CSMD1: variants seen among roughly 807,000 people sequenced by gnomAD.
CSMD1 encodes the protein CUB and sushi domain-containing protein 1.
Under a neutral mutation model 417.5 loss-of-function variants are expected in CSMD1, and 213 were observed. That is an observed-to-expected ratio of 0.51 (90% confidence interval 0.46 to 0.57). CSMD1 has a LOEUF of 0.57. Ranked by LOEUF, CSMD1 falls within the 20% of genes least tolerant of loss-of-function variation. The pLI is 0.00. For synonymous variants in CSMD1, 2,862 were observed against 1,736.8 expected (o/e 1.65, Z -16.11); for missense variants, 6,923 against 4,529.7 (o/e 1.53, Z -15.17).
chr8:4,060,570 T>C (rs1798919886), intron 3 of CSMD1, among the ~76,000 whole-genome samples: 1 of 152,006 alleles, frequency 6.6e-6, no homozygotes, highest in Admixed American at 6.6e-5. Context: ...TGCGAATGAG[T>C]TCCAGGGGAA....
intron 69 of CSMD1, among the ~76,000 whole-genome samples, 195 bp downstream of exon 69, chr8:2,942,277 T>C (rs193056119): frequency 1.3e-5 from 2 of 151,858 alleles, no homozygotes; most frequent in Admixed American, 6.6e-5. Context: ...CCGGCTTACA[T>C]TTAACTAGGT....
chr8:4,920,981 A>AG (rs1233475975), intron 1 of CSMD1, among the ~76,000 whole-genome samples: 8 of 4,718 alleles, frequency 1.7e-3, no homozygotes, highest in Admixed American at 3.1e-3. Flanking sequence ...AAAGAAAGAA[A>AG]CAAAGAAAGA....
chr8:4,155,272 G>A (rs990016231), intron 3 of CSMD1, among the ~76,000 whole-genome samples: 1 of 152,174 alleles, frequency 6.6e-6, no homozygotes, highest in Non-Finnish European at 1.5e-5. Context: ...ATAAGTCCGG[G>A]TGTGAATTAG....
At chr8:3,082,013 T>C (rs1469239654) in intron 49 of CSMD1, among the ~76,000 whole-genome samples, 2 of 152,196 alleles carry the variant, frequency 1.3e-5, no homozygotes, top group Non-Finnish European at 2.9e-5. Flanking sequence ...CCAGCAATCA[T>C]GTCCCCCACC....
chr8:3,493,681 C>A lies in CSMD1; in HGVS notation c.1390G>T (p.Asp464Tyr). The A allele has an allele frequency of 6.2e-7, 1 of 1,612,344 alleles. No individual in the cohort carries two copies. Among genetic ancestry groups the A allele is most frequent in the Non-Finnish European group, 8.5e-7 (1 of 1,179,294 alleles). The change falls in exon 11 of 70, where the codon GAC becomes TAC. Residue 464 changes from aspartate to tyrosine, a missense_variant. Physicochemically the swap from Asp to Tyr is radical, Grantham distance 160 (BLOSUM62 -3). Coordinates refer to ENST00000635120, the MANE Select transcript of CSMD1 (RefSeq NM_033225.6). ...CCAGCATCACCAACCGTCAGGGTGT[C>A]ATAGCCTCGCTCCAGCTCAAACTCT... Reference protein sequence around the residue: ...FEEFELERGYDTLTVGDAGKV... With the variant: ...FEEFELERGYYTLTVGDAGKV...
At chr8:4,405,198 T>C (rs531542354) in intron 3 of CSMD1, among the ~76,000 whole-genome samples, 43 of 152,330 alleles carry the variant, frequency 2.8e-4, no homozygotes, top group African/African-American at 1.0e-3. Context: ...ACAATGTATT[T>C]TACTCAAAGG....
At chr8:3,502,000 G>A (rs537287960) in intron 10 of CSMD1, among the ~76,000 whole-genome samples, 133 of 152,260 alleles carry the variant, frequency 8.7e-4, no homozygotes, top group Non-Finnish European at 1.6e-3. Flanking sequence ...AGTCACTTTG[G>A]AAGATACTTT....
intron 3 of CSMD1, among the ~76,000 whole-genome samples, chr8:4,045,416 T>A (rs1798099889): frequency 6.6e-6 from 1 of 152,122 alleles, no homozygotes; most frequent in Non-Finnish European, 1.5e-5. Context: ...CAATGACAAG[T>A]GGCCACAGCA....
chr8:4,552,829 A>T (rs574256710), intron 2 of CSMD1, among the ~76,000 whole-genome samples: 1 of 152,196 alleles, frequency 6.6e-6, no homozygotes, highest in East Asian at 1.9e-4. Context: ...GCCCACTGCA[A>T]TTATGCTCTA....
At chr8:4,204,273 A>G (rs913787602) in intron 3 of CSMD1, among the ~76,000 whole-genome samples, 2 of 152,042 alleles carry the variant, frequency 1.3e-5, no homozygotes, top group African/African-American at 4.8e-5. Flanking sequence ...GGAAAAAAAA[A>G]AAACCTCAAT....
chr8:4,748,631 T>A (rs1482116172), intron 1 of CSMD1, among the ~76,000 whole-genome samples: 1 of 152,218 alleles, frequency 6.6e-6, no homozygotes, highest in Non-Finnish European at 1.5e-5. Context: ...AATTATTTAT[T>A]GACTGGAATG....
intron 3 of CSMD1, among the ~76,000 whole-genome samples, chr8:4,301,309 C>A (rs77594168): frequency 9.3e-4 from 142 of 152,326 alleles, no homozygotes; most frequent in African/African-American, 3.2e-3. Context: ...CCCAAAATAC[C>A]AGTGCCATGA....
chr8:3,598,666 G>T (rs1437296951), intron 8 of CSMD1, among the ~76,000 whole-genome samples: 2 of 152,204 alleles, frequency 1.3e-5, no homozygotes, highest in Non-Finnish European at 2.9e-5. Context: ...GGAAATGAAA[G>T]AATGAATCAG....
chr8:3,830,127 C>A (rs899635183), intron 5 of CSMD1, among the ~76,000 whole-genome samples: 3 of 152,178 alleles, frequency 2.0e-5, no homozygotes, highest in Non-Finnish European at 4.4e-5. Flanking sequence ...AGAGTAATTT[C>A]TCTGATATCA....
At chr8:4,049,981 C>G (rs1585206853) in intron 3 of CSMD1, among the ~76,000 whole-genome samples, 1 of 152,292 alleles carries the variant, frequency 6.6e-6, no homozygotes. Context: ...GGGGCAGCTT[C>G]TCGGACCTCC....
Position 3,693,127 on chromosome 8 carries a change from T to C in CSMD1, c.1009+15287A>G, listed in dbSNP as rs371895496. 1.2e-4 allele frequency among the ~76,000 whole-genome samples: 19 copies of C among 152,284 alleles called. No homozygotes were observed. In the East Asian group the frequency reaches 3.3e-3, roughly 26 times the overall value. ...ATACATAGAGATAAATAGATACCAA[T>C]AGATAGTCACCCACACTGTGTCAAG... On this transcript the variant is annotated intron_variant, in intron 7 of 69. Transcript: ENST00000635120.
intron 3 of CSMD1, among the ~76,000 whole-genome samples, chr8:4,096,563 C>A (rs1254135774): frequency 1.4e-5 from 2 of 141,912 alleles, no homozygotes; most frequent in African/African-American, 2.9e-5. Context: ...ATTGATAATG[C>A]ACGCCACTAA....
At chr8:4,054,599 T>A (rs1033852752) in intron 3 of CSMD1, among the ~76,000 whole-genome samples, 1 of 152,050 alleles carries the variant, frequency 6.6e-6, no homozygotes, top group African/African-American at 2.4e-5. Context: ...ATTGTGGAGG[T>A]GTATTTAGCT....
At chr8:3,919,430 G>C (rs762073802) in intron 5 of CSMD1, among the ~76,000 whole-genome samples, 1 of 151,848 alleles carries the variant, frequency 6.6e-6, no homozygotes, top group East Asian at 1.9e-4. Flanking sequence ...CATGTTTTTT[G>C]GTTAGTTGGC....
Sources: allele counts gnomAD v4.1 joint callset (sites outside exome capture counted in the v4.1 genomes callset), GRCh38; gene constraint gnomAD v4.1.1; transcripts MANE v1.5; gene names NCBI Gene and HGNC (gene_info 2026-07-23, HGNC 2026-07-21).